The following SLC35F3 variants were observed in gnomAD, a reference collection of about 807,000 sequenced individuals.
The protein encoded by SLC35F3 is solute carrier family 35 member F3.
In SLC35F3, 25 loss-of-function variants were observed where a neutral mutation model predicts 49.9. The observed-to-expected ratio is 0.50, with a 90% CI of 0.37 to 0.70. The LOEUF is 0.70. SLC35F3 is among the 30% of genes least tolerant of loss of function. The probability of loss-of-function intolerance (pLI) is 0.00; values close to 1 mark genes in which losing one functional copy is unlikely to be tolerated. For missense variants in SLC35F3, 525 were observed against 639.8 expected (o/e 0.82, Z 1.94); for synonymous variants, 275 against 265.4 (o/e 1.04, Z -0.35).
At chr1:234,260,248 C>T (rs944792223) in intron 3 of SLC35F3, among the ~76,000 whole-genome samples, 2 of 152,104 alleles carry the variant, frequency 1.3e-5, no homozygotes, top group Admixed American at 1.3e-4. Context: ...AATGCTGATC[C>T]CAAGGCTCAG....
intron 2 of SLC35F3, among the ~76,000 whole-genome samples, chr1:234,057,040 C>G (rs1664466458): frequency 6.6e-6 from 1 of 152,186 alleles, no homozygotes; most frequent in Non-Finnish European, 1.5e-5. Flanking sequence ...TGTGACAGCA[C>G]CCAATGTATT....
intron 2 of SLC35F3, among the ~76,000 whole-genome samples, chr1:234,091,782 C>T (rs922626427): frequency 6.6e-6 from 1 of 152,190 alleles, no homozygotes; most frequent in African/African-American, 2.4e-5. Flanking sequence ...ATTTCTGCAC[C>T]TCTCTGTGTC....
At chr1:234,211,024 G>A (rs942130814) in intron 2 of SLC35F3, among the ~76,000 whole-genome samples, 1 of 152,212 alleles carries the variant, frequency 6.6e-6, no homozygotes, top group African/African-American at 2.4e-5. Context: ...CCCTGCATCC[G>A]AGCTGCTCCA....
chr1:233,996,693 G>T (rs1289779796), intron 2 of SLC35F3, among the ~76,000 whole-genome samples: 2 of 152,164 alleles, frequency 1.3e-5, no homozygotes, highest in Non-Finnish European at 2.9e-5. Context: ...ACTCTACAAT[G>T]ATTAATAATG....
chr1:234,156,104 A>C (rs1379956818), intron 2 of SLC35F3, among the ~76,000 whole-genome samples: 1 of 152,214 alleles, frequency 6.6e-6, no homozygotes, highest in Non-Finnish European at 1.5e-5. Flanking sequence ...AAAATAAGAC[A>C]AAGAACCACC....
chr1:234,002,954 G>A (rs1025431322), intron 2 of SLC35F3, among the ~76,000 whole-genome samples: 7 of 152,028 alleles, frequency 4.6e-5, no homozygotes, highest in African/African-American at 1.4e-4. Flanking sequence ...TCTTTCAGTT[G>A]GCTACTATGT....
chr1:233,992,024 C>T (rs183503116), intron 2 of SLC35F3, among the ~76,000 whole-genome samples: 19 of 152,160 alleles, frequency 1.2e-4, no homozygotes, highest in East Asian at 1.9e-4. Context: ...AACATTGTGG[C>T]GAGTAAATGC....
chr1:234,143,344 A>C (rs946685336), intron 2 of SLC35F3, among the ~76,000 whole-genome samples: 58 of 143,458 alleles, frequency 4.0e-4, no homozygotes, highest in African/African-American at 1.5e-3. Flanking sequence ...GCTGGAGTGC[A>C]GTGGCGTGAT....
intron 2 of SLC35F3, among the ~76,000 whole-genome samples, chr1:234,091,018 G>C (rs895108877): frequency 4.6e-5 from 7 of 152,154 alleles, no homozygotes; most frequent in African/African-American, 1.7e-4. Flanking sequence ...AAACTTCAAT[G>C]GTGCAATAAC....
At chr1:234,033,239 G>T (rs1389572632) in intron 2 of SLC35F3, among the ~76,000 whole-genome samples, 2 of 152,074 alleles carry the variant, frequency 1.3e-5, no homozygotes, top group Non-Finnish European at 2.9e-5. Flanking sequence ...TGAGTTCTTT[G>T]TAGATTCTGG....
intron 2 of SLC35F3, among the ~76,000 whole-genome samples, chr1:234,194,829 C>G (rs896555137): frequency 1.3e-5 from 2 of 152,082 alleles, no homozygotes; most frequent in African/African-American, 4.8e-5. Context: ...CCAATTCAAA[C>G]ATGGGTTTTT....
chr1:234,091,831 AGCCGTATTTAGTTAAGTCT>A (rs1665048071), intron 2 of SLC35F3, among the ~76,000 whole-genome samples: 1 of 152,152 alleles, frequency 6.6e-6, no homozygotes, highest in South Asian at 2.1e-4. Context: ...GGGTTGACTG[AGCCGTATTTAGTTAAGTCT>A]GCCTCACTTA....
At chr1:234,009,113 A>G (rs1253323659) in intron 2 of SLC35F3, among the ~76,000 whole-genome samples, 2 of 152,174 alleles carry the variant, frequency 1.3e-5, no homozygotes, top group African/African-American at 4.8e-5. Flanking sequence ...ATGTTCCCCC[A>G]AAATTCCTGC....
chr1:234,293,105 C>T (rs1668535214), intron 3 of SLC35F3, among the ~76,000 whole-genome samples: 1 of 152,194 alleles, frequency 6.6e-6, no homozygotes, highest in Admixed American at 6.5e-5. Flanking sequence ...ATGCCATAGG[C>T]AGATGAGAGT....
At chr1:233,909,290 C>T (rs1661830756) in intron 2 of SLC35F3, among the ~76,000 whole-genome samples, 1 of 152,198 alleles carries the variant, frequency 6.6e-6, no homozygotes, top group South Asian at 2.1e-4. Context: ...GGCAAAAGTC[C>T]TCCAAGCTCC....
At chr1:234,133,073 A>C (rs924993192) in intron 2 of SLC35F3, among the ~76,000 whole-genome samples, 1 of 152,214 alleles carries the variant, frequency 6.6e-6, no homozygotes, top group South Asian at 2.1e-4. Context: ...TAAGTAGTGA[A>C]GCTGGGATTT....
chr1:234,322,650 C>CAT (rs941755457), intron 7 of SLC35F3, among the ~76,000 whole-genome samples: 1 of 144,866 alleles, frequency 6.9e-6, no homozygotes, highest in South Asian at 2.3e-4. Flanking sequence ...GGGTCAAATG[C>CAT]GTGTGTGTGT....
chr1:234,194,760 G>A (rs1666782228), intron 2 of SLC35F3, among the ~76,000 whole-genome samples: 1 of 152,090 alleles, frequency 6.6e-6, no homozygotes, highest in African/African-American at 2.4e-5. Context: ...GATATTGGAG[G>A]AGGTGATTCT....
Position 234,246,722 on chromosome 1 carries a change from A to C in SLC35F3, c.608+14981A>C, listed in dbSNP as rs147298094. ...TATGCACTGAACTGCCAGGGGACCT[A>C]GCATTAATAAAAACCACACGTAAAA... On this transcript the variant is annotated intron_variant, in intron 3 of 7. Transcript: ENST00000366618. 6.3e-3 allele frequency among the ~76,000 whole-genome samples: 955 copies of C among 152,356 alleles called. 8 individuals carry two copies. Among genetic ancestry groups the C allele is most frequent in the African/African-American group, 0.022 (900 of 41,596 alleles).
Sources: gnomAD v4.1 joint callset for allele counts (sites outside exome capture counted in the v4.1 genomes callset) on GRCh38, gnomAD v4.1.1 for gene constraint, MANE v1.5 for transcripts, NCBI Gene and HGNC (gene_info 2026-07-23, HGNC 2026-07-21) for gene names.